PLAG1: variants seen among roughly 807,000 people sequenced by gnomAD.
PLAG1 encodes zinc finger protein PLAG1.
PLAG1 carries 7 observed loss-of-function variants against 35.5 expected under a neutral mutation model. The ratio of observed to expected loss-of-function variants is 0.20; its 90% confidence interval spans 0.11 to 0.37. The LOEUF (loss-of-function observed/expected upper bound fraction) is 0.37, where lower values mean the gene tolerates loss of function less well. PLAG1 is among the 10% of genes least tolerant of loss of function. The pLI, the probability that PLAG1 is intolerant of heterozygous loss-of-function variation, is 1.00. For synonymous variants in PLAG1, 229 were observed against 225.4 expected, an observed-to-expected ratio of 1.02 and a Z score of -0.14; for missense variants, 454 against 602.8, an observed-to-expected ratio of 0.75 and a Z score of 2.58.
chr8:56,173,113 G>A (rs1459436419), intron 2 of PLAG1, among the ~76,000 whole-genome samples: 1 of 151,886 alleles, frequency 6.6e-6, no homozygotes, highest in African/African-American at 2.4e-5. Flanking sequence ...CTTTATTTAT[G>A]CTTATTGTTC....
intron 1 of PLAG1, among the ~76,000 whole-genome samples, chr8:56,191,525 C>T (rs966474449): frequency 3.3e-5 from 5 of 151,968 alleles, no homozygotes; most frequent in Non-Finnish European, 5.9e-5. Context: ...CAGAGCACTT[C>T]GATGATGACT....
chr8:56,190,688 G>A (rs1812156350), intron 1 of PLAG1, among the ~76,000 whole-genome samples: 1 of 152,068 alleles, frequency 6.6e-6, no homozygotes, highest in East Asian at 1.9e-4. Context: ...TGTTTATAAT[G>A]CTGACAGGAA....
In PLAG1 at chr8:56,197,191, A is replaced by C. The variant is rs527976640; in HGVS notation, c.-322+13930T>G. Among the ~76,000 whole-genome samples, 12 of 151,700 alleles carry C rather than the reference A, an allele frequency of 7.9e-5. No individual in the cohort carries two copies. The South Asian group carries it at 1.0e-3, about 13-fold the overall frequency. Reference sequence around the variant, plus strand: ...TCTGTGTGTGTACCCCCATCTGAGCATGTGTGCCTCTCTCCCCAAATCCTG... The same window carrying C: ...TCTGTGTGTGTACCCCCATCTGAGCCTGTGTGCCTCTCTCCCCAAATCCTG... On this transcript the variant is annotated intron_variant, in intron 1 of 4. Coordinates refer to ENST00000316981, the MANE Select transcript of PLAG1 (RefSeq NM_002655.3).
At position 56,164,796 on chromosome 8, in the gene PLAG1, T is replaced by C. The variant is rs1398546653; in HGVS notation, c.*1447A>G. ...TTCAGTGAATATAATATATTCTCAA[T>C]TGTTATTTTCATGTTAACCAAGATA... On this transcript the variant is annotated 3_prime_UTR_variant, in exon 5 of 5. Transcript: ENST00000316981. 3 of 211,674 alleles carry C rather than the reference T, an allele frequency of 1.4e-5. No individual in the cohort carries two copies. The highest frequency in any genetic ancestry group is 6.8e-5 in the African/African-American group (3 of 44,132). 13.1% of individuals were successfully genotyped at this position (211,674 alleles called of 1,614,324 possible). A position where few individuals can be genotyped will look rare whatever the true frequency, so the allele number is the denominator to read the frequency against.
chr8:56,204,383 A>G (rs117378651), intron 1 of PLAG1, among the ~76,000 whole-genome samples: 285 of 152,048 alleles, frequency 1.9e-3, no homozygotes, highest in Middle Eastern at 3.4e-3. Context: ...TTGAAACTGT[A>G]CACTTGAACT....
chr8:56,176,549 A>G (rs1247519221), intron 2 of PLAG1, among the ~76,000 whole-genome samples: 3 of 152,220 alleles, frequency 2.0e-5, no homozygotes, highest in Non-Finnish European at 4.4e-5. Flanking sequence ...GGAAATGAAA[A>G]AGAAATTGTG....
Position 56,161,085 on chromosome 8 carries a change from G to T in PLAG1, c.*5158C>A, listed in dbSNP as rs902398618. The T allele has an allele frequency of 5.4e-6, 1 of 185,202 alleles. No homozygotes were observed. Among genetic ancestry groups the T allele is most frequent in the African/African-American group, 2.3e-5 (1 of 42,624 alleles). The allele number at this position is 185,202 out of a possible 1,614,324, so 11.5% of individuals were successfully genotyped here. On this transcript the variant is annotated 3_prime_UTR_variant, in exon 5 of 5. Transcript: ENST00000316981. The stretch of plus-strand genomic sequence containing the variant: ...ATAGTCTGCTTCTTTGGATGTGAAT[G>T]TTTAAAATGTAGTATCACTGCAGCT...
chr8:56,163,673 G>GTGTA lies in PLAG1; in HGVS notation c.*2569_*2570insTACA, dbSNP rs1554531921. 3,727 of 186,524 alleles carry GTGTA rather than the reference G, an allele frequency of 0.02. 43 individuals carry two copies. The highest frequency in any genetic ancestry group is 0.028 in the African/African-American group (1,179 of 41,590). 11.6% of individuals were successfully genotyped at this position (186,524 alleles called of 1,614,324 possible). On this transcript the variant is annotated 3_prime_UTR_variant, in exon 5 of 5. Transcript: ENST00000316981. ...AAGATTTAAGTATGTGTGTGTGTGT[G>GTGTA]TATATATACACACACACACACACAC...
rs1811344215 is a variant in PLAG1 at position 56,166,096 on chromosome 8, G to A, written c.*147C>T. On this transcript the variant is annotated 3_prime_UTR_variant, in exon 5 of 5. Transcript: ENST00000316981. ...GTTCCAAAGCTCAGTTTAAAAGCTA[G>A]TTTCTATTTTATACTGGCTTAATGA... 9 of 516,592 alleles carry A rather than the reference G, an allele frequency of 1.7e-5. No homozygotes were observed. In the East Asian group the frequency reaches 2.7e-4, roughly 15 times the overall value. The allele number at this position is 516,592 out of a possible 1,614,324, so 32.0% of individuals were successfully genotyped here.
At chr8:56,170,716 T>C (rs993774011) in intron 3 of PLAG1, among the ~76,000 whole-genome samples, 1 of 152,200 alleles carries the variant, frequency 6.6e-6, no homozygotes, top group Non-Finnish European at 1.5e-5. Context: ...ACTTCTAAGT[T>C]ATTAAAAAAA....
intron 1 of PLAG1, among the ~76,000 whole-genome samples, chr8:56,200,467 C>T (rs58712413): frequency 0.055 from 8,377 of 152,286 alleles, 739 homozygotes; most frequent in African/African-American, 0.19. Flanking sequence ...TTCTGTAACG[C>T]TAGTCTTACA....
At position 56,168,292 on chromosome 8, in the gene PLAG1, T is replaced by C; in HGVS notation, c.-23A>G. ...CATCGCAGCCTAAACCAGGCCTTCTTGTTGGACACTTGGGAACTGCCCAAC... is the reference window on the plus strand; with the variant it reads ...CATCGCAGCCTAAACCAGGCCTTCTCGTTGGACACTTGGGAACTGCCCAAC... On this transcript the variant is annotated 5_prime_UTR_variant, in exon 4 of 5. Coordinates refer to ENST00000316981, the MANE Select transcript of PLAG1 (RefSeq NM_002655.3). 1 of 1,594,408 alleles carries C rather than the reference T, an allele frequency of 6.3e-7. No homozygotes were observed. The highest frequency in any genetic ancestry group is 8.6e-7 in the Non-Finnish European group (1 of 1,168,462).
At chr8:56,200,330 C>A (rs1585823767) in intron 1 of PLAG1, among the ~76,000 whole-genome samples, 1 of 152,132 alleles carries the variant, frequency 6.6e-6, no homozygotes, top group Non-Finnish European at 1.5e-5. Flanking sequence ...GACTAAGGAA[C>A]TAAAAAATGG....
chr8:56,205,282 A>G (rs1812665871), intron 1 of PLAG1, among the ~76,000 whole-genome samples: 1 of 151,898 alleles, frequency 6.6e-6, no homozygotes, highest in South Asian at 2.1e-4. Context: ...CTTCACGAAG[A>G]CACACATTCA....
At chr8:56,194,616 T>C (rs1405628997) in intron 1 of PLAG1, among the ~76,000 whole-genome samples, 1 of 151,650 alleles carries the variant, frequency 6.6e-6, no homozygotes, top group East Asian at 1.9e-4. Flanking sequence ...TGTTTGTGTG[T>C]GTGTGGCGTG....
intron 2 of PLAG1, among the ~76,000 whole-genome samples, chr8:56,176,330 G>A (rs574402649): frequency 7.9e-5 from 12 of 151,376 alleles, no homozygotes; most frequent in African/African-American, 2.9e-4. Flanking sequence ...TGGGATTACA[G>A]GCGTGAGCCA....
chr8:56,181,368 C>G (rs1811858604), intron 1 of PLAG1, among the ~76,000 whole-genome samples: 1 of 152,142 alleles, frequency 6.6e-6, no homozygotes, highest in South Asian at 2.1e-4. Context: ...ACATATACAC[C>G]ATGGAATACT....
chr8:56,207,495 T>C (rs1343458009), intron 1 of PLAG1, among the ~76,000 whole-genome samples: 1 of 152,046 alleles, frequency 6.6e-6, no homozygotes, highest in Admixed American at 6.5e-5. Flanking sequence ...GCTATAAATA[T>C]CTATTTACTA....
rs144806896 is a variant in PLAG1, at chr8:56,205,942, C to T, written c.-322+5179G>A. Among the ~76,000 whole-genome samples the T allele has an allele frequency of 6.2e-3, 947 of 152,046 alleles. 12 individuals are homozygous for T. Among genetic ancestry groups the T allele is most frequent in the African/African-American group, 0.022 (913 of 41,538 alleles). On this transcript the variant is annotated intron_variant, in intron 1 of 4. Transcript: ENST00000316981. ...TGTGGTTAGTTTTAATACCATGATC[C>T]TGTAGTAACTCTGTTTATAAGACAT... is the stretch of plus-strand genomic sequence containing the variant.
Sources: allele counts gnomAD v4.1 joint callset (sites outside exome capture counted in the v4.1 genomes callset), GRCh38; gene constraint gnomAD v4.1.1; transcripts MANE v1.5; gene names NCBI Gene and HGNC (gene_info 2026-07-23, HGNC 2026-07-21).